SH2B3: variants seen among roughly 807,000 people sequenced by gnomAD.
SH2B3 encodes SH2B adapter protein 3.
Under a neutral mutation model 51.9 loss-of-function variants are expected in SH2B3, and 43 were observed. That is an observed-to-expected ratio of 0.83 (90% CI 0.65 to 1.07). The LOEUF is 1.07. Among genes scored for constraint, SH2B3 ranks in the 50% least tolerant of loss-of-function variants. The pLI, the probability that SH2B3 is intolerant of heterozygous loss-of-function variation, is 0.00. For missense variants in SH2B3, 952 were observed against 834.3 expected (o/e 1.14, Z -1.74); for synonymous variants, 396 against 376.0 (o/e 1.05, Z -0.62).
At chr12:111,423,637 C>A (rs1057277255) in intron 2 of SH2B3, among the ~76,000 whole-genome samples, 27 of 152,086 alleles carry the variant, frequency 1.8e-4, no homozygotes, top group African/African-American at 6.0e-4. Flanking sequence ...CCCAAAGTGC[C>A]GGGATTACAG....
chr12:111,418,953 G>T lies in SH2B3; in HGVS notation c.732+76G>T. On this transcript the variant is annotated intron_variant, in intron 2 of 7. Coordinates refer to ENST00000341259, the MANE Select transcript of SH2B3 (RefSeq NM_005475.3). The surrounding 1 kb of genome is among the most constrained non-coding windows in gnomAD (Gnocchi z 6.7). ...TCACCCTGGGGAGAGCGCGGGCTGG[G>T]GAGGTGTGATGGCTTTCCAGCTGGT... 7.7e-7 allele frequency: 1 copy of T among 1,298,206 alleles called. No individual in the cohort carries two copies. Among genetic ancestry groups the T allele is most frequent in the South Asian group, 1.9e-5 (1 of 53,112 alleles). 80.4% of individuals were successfully genotyped at this position (1,298,206 alleles called of 1,614,324 possible).
rs768739068 is a variant in SH2B3 at position 111,418,498 on chromosome 12, C to T, written c.353C>T (p.Ala118Val). The T allele has an allele frequency of 1.6e-5, 22 of 1,375,738 alleles. No individual in the cohort carries two copies. Among genetic ancestry groups the T allele is most frequent in the Non-Finnish European group, 2.1e-5 (22 of 1,068,490 alleles). 85.2% of individuals were successfully genotyped at this position (1,375,738 alleles called of 1,614,324 possible). ...CCCGCCGCCCCTGGCCTGCCCAAGG[C>T]CCGCAGCTCTGAGGAGCTGGCCCCG... ...PGPAAPGLPK[A>V]RSSEELAPPR... The change falls in exon 2 of 8, where the codon GCC becomes GTC. Residue 118 changes from alanine to valine, a missense_variant. Coordinates refer to ENST00000341259, the MANE Select transcript of SH2B3 (RefSeq NM_005475.3). This position sits in a 1 kb window ranked among gnomAD's most constrained non-coding sequence, Gnocchi z 6.7.
At position 111,409,661 on chromosome 12, in the gene SH2B3, ACCCCACCT is replaced by A. The variant is rs1352250952; in HGVS notation, c.-28+3390_-28+3397del. Reference sequence around the variant, plus strand: ...GCCTTATTGGACCCAGGAGTCCTGCACCCCACCTCCCCAGCTTCCCGGGGCTTGAGATC... The same window carrying A: ...GCCTTATTGGACCCAGGAGTCCTGCACCCCAGCTTCCCGGGGCTTGAGATC... On this transcript the variant is annotated intron_variant, in intron 1 of 7. Transcript: ENST00000341259. The surrounding 1 kb of genome is among the most constrained non-coding windows in gnomAD (Gnocchi z 4.0). Among the ~76,000 whole-genome samples, 18 of 152,028 alleles carry A rather than the reference ACCCCACCT, an allele frequency of 1.2e-4. No homozygotes were observed. The highest frequency in any genetic ancestry group is 1.2e-3 in the Admixed American group (18 of 15,258).
chr12:111,418,227 G>C lies in SH2B3; in HGVS notation c.82G>C (p.Glu28Gln), dbSNP rs1433759305. ...GGCGGCGGCCCCGCGGGGCTGGAGC[G>C]AGTTCTGTGAGTTGCACGCCGTAGC... The part of the protein sequence containing the change: ...SPAAAPRGWS[E>Q]FCELHAVAAA... Residue 28 changes from glutamate to glutamine, a missense_variant, in exon 2 of 8, where the codon GAG becomes CAG. Physicochemically the swap from Glu to Gln is conservative, Grantham distance 29. Transcript: ENST00000341259. This position sits in a 1 kb window ranked among gnomAD's most constrained non-coding sequence, Gnocchi z 6.7. 2 of 1,578,742 alleles carry C rather than the reference G, an allele frequency of 1.3e-6. No individual in the cohort carries two copies. Among genetic ancestry groups the C allele is most frequent in the East Asian group, 4.6e-5 (2 of 43,300 alleles).
At chr12:111,434,767 G>C in intron 2 of SH2B3, 1 of 1,453,788 alleles carries the variant, frequency 6.9e-7, no homozygotes. Context: ...GTTATGGGTG[G>C]CTGGTGTGAT....
At chr12:111,405,630 T>A (rs1204502725), upstream of SH2B3, among the ~76,000 whole-genome samples, 1 of 151,960 alleles carries the variant, frequency 6.6e-6, no homozygotes. The surrounding 1 kb of genome is among the most constrained non-coding windows in gnomAD (Gnocchi z 5.4). Flanking sequence ...TCCTCACTTC[T>A]ATCTTCAGAC....
rs551879649 is a variant in SH2B3 at position 111,429,525 on chromosome 12, G to A, written c.732+10648G>A. Among the ~76,000 whole-genome samples, 165 of 152,238 alleles carry A rather than the reference G, an allele frequency of 1.1e-3. 1 individual carries two copies. Among genetic ancestry groups the A allele is most frequent in the African/African-American group, 3.5e-3 (144 of 41,542 alleles). Reference sequence around the variant, plus strand: ...TTTTCTGTATTATTAGTAGAGACGCGGTTTCGCCATGTTGGCCAGGCTGGT... The same window carrying A: ...TTTTCTGTATTATTAGTAGAGACGCAGTTTCGCCATGTTGGCCAGGCTGGT... On this transcript the variant is annotated intron_variant, in intron 2 of 7. Coordinates refer to ENST00000341259, the MANE Select transcript of SH2B3 (RefSeq NM_005475.3). The surrounding 1 kb of genome is among the most constrained non-coding windows in gnomAD (Gnocchi z 4.4).
chr12:111,446,259 C>A (rs1873940862), intron 2 of SH2B3, among the ~76,000 whole-genome samples: 1 of 152,232 alleles, frequency 6.6e-6, no homozygotes, highest in African/African-American at 2.4e-5. Context: ...GGCAAAGGAA[C>A]AGTGGCTAAC....
chr12:111,428,544 C>T (rs1379512958), intron 2 of SH2B3, among the ~76,000 whole-genome samples: 2 of 152,282 alleles, frequency 1.3e-5, no homozygotes, highest in African/African-American at 2.4e-5. Context: ...GGGGCAGCCT[C>T]GGGCCCACCC....
Position 111,447,192 on chromosome 12 carries a change from A to C in SH2B3, c.994A>C (p.Arg332=). The change falls in exon 5 of 8, where the codon AGG becomes CGG. Residue 332 remains arginine (R), a synonymous_variant. Transcript: ENST00000341259. ...ALEPSTSSSP[R]GSTDSLNQGA... ...AGAGCCTAGCACGTCCAGCTCCCCA[A>C]GGGGCAGCACAGATTCCCTTAACCA... 6.2e-7 allele frequency: 1 copy of C among 1,613,668 alleles called. No individual in the cohort carries two copies. Among genetic ancestry groups the C allele is most frequent in the Non-Finnish European group, 8.5e-7 (1 of 1,179,546 alleles).
chr12:111,434,770 G>A (rs965068230), intron 2 of SH2B3: 1 of 1,457,716 alleles, frequency 6.9e-7, no homozygotes, highest in Admixed American at 2.4e-5. Context: ...ATGGGTGGCT[G>A]GTGTGATTTC....
Position 111,438,074 on chromosome 12 carries a change from G to GACT in SH2B3, c.733-8679_733-8678insACT, listed in dbSNP as rs1873048332. Among the ~76,000 whole-genome samples the GACT allele has an allele frequency of 1.3e-5, 2 of 152,232 alleles. No homozygotes were observed. The highest frequency in any genetic ancestry group is 4.8e-5 in the African/African-American group (2 of 41,458). ...GGAATTGCACTAATCATGACTCAGT[G>GACT]GTCAGAGAAGGCTCCCTGGAGGAGA... On this transcript the variant is annotated intron_variant, in intron 2 of 7. Transcript: ENST00000341259. The surrounding 1 kb of genome is among the most constrained non-coding windows in gnomAD (Gnocchi z 4.2).
intron 7 of SH2B3, 42 bp from the exon 8 acceptor site, chr12:111,447,941 C>T (rs1215145962): frequency 1.3e-6 from 2 of 1,560,602 alleles, no homozygotes; most frequent in South Asian, 2.3e-5. Flanking sequence ...CAGCACTTGC[C>T]TCAAGACTGA....
chr12:111,433,827 T>C (rs1872659270), intron 2 of SH2B3, among the ~76,000 whole-genome samples: 1 of 152,214 alleles, frequency 6.6e-6, no homozygotes, highest in African/African-American at 2.4e-5. Flanking sequence ...TTTCCCAGGC[T>C]GGTCTCGAAC....
At chr12:111,433,558 TTTTG>T (rs951039389) in intron 2 of SH2B3, among the ~76,000 whole-genome samples, 6 of 152,118 alleles carry the variant, frequency 3.9e-5, no homozygotes, top group Admixed American at 2.0e-4. Flanking sequence ...GTGGTGTTTT[TTTTG>T]TTTGTTTGTT....
At chr12:111,415,001 G>A (rs554435822) in intron 1 of SH2B3, among the ~76,000 whole-genome samples, 19 of 152,318 alleles carry the variant, frequency 1.2e-4, no homozygotes, top group East Asian at 1.2e-3. Context: ...AGCAGTGTTC[G>A]TCTGTGCTGT....
At chr12:111,430,754 T>C (rs1014235494) in intron 2 of SH2B3, among the ~76,000 whole-genome samples, 18 of 152,158 alleles carry the variant, frequency 1.2e-4, no homozygotes, top group Non-Finnish European at 2.2e-4. Flanking sequence ...GCACTTGCCT[T>C]AGTGGGTTGT....
In SH2B3 at chr12:111,448,180, G is replaced by A. The variant is rs140649197; in HGVS notation, c.1606G>A (p.Ala536Thr). The A allele has an allele frequency of 4.4e-4, 707 of 1,614,090 alleles. 10 individuals carry two copies. In the East Asian group the frequency reaches 0.013, roughly 31 times the overall value. ...FHLVPSPEEL[A>T]NSLQHLEHEP... is the part of the protein sequence containing the mutation. The stretch of plus-strand genomic sequence containing the variant: ...CCTGGTGCCTTCGCCCGAAGAACTG[G>A]CCAACAGCCTGCAGCACCTGGAGCA... The change falls in exon 8 of 8, where the codon GCC becomes ACC. Residue 536 changes from alanine (A) to threonine (T), a missense_variant. Physicochemically the swap from Ala to Thr is moderately conservative, Grantham distance 58. Transcript: ENST00000341259.
At chr12:111,428,316 GC>G (rs1216308046) in intron 2 of SH2B3, among the ~76,000 whole-genome samples, 1 of 152,196 alleles carries the variant, frequency 6.6e-6, no homozygotes, top group African/African-American at 2.4e-5. Flanking sequence ...TCAGCCCTGA[GC>G]CCCCCGCTGC....
Sources: gnomAD v4.1 joint callset for allele counts (sites outside exome capture counted in the v4.1 genomes callset) on GRCh38, gnomAD v4.1.1 for gene constraint, Gnocchi (gnomAD v3.1) non-coding constraint, MANE v1.5 for transcripts, NCBI Gene and HGNC (gene_info 2026-07-23, HGNC 2026-07-21) for gene names.